Variants in TELO2 observed in about 807,000 individuals in gnomAD.
TELO2 encodes telomere maintenance 2.
TELO2 carries 71 observed loss-of-function variants against 91.0 expected under a neutral mutation model. That is an observed-to-expected ratio of 0.78 (90% CI 0.64 to 0.95). The LOEUF (loss-of-function observed/expected upper bound fraction) is 0.95. Among genes scored for constraint, TELO2 ranks in the 40% least tolerant of loss-of-function variants. TELO2 has a pLI of 0.00. For missense variants in TELO2, 1,183 were observed against 1,141.3 expected (o/e 1.04, Z -0.53); for synonymous variants, 584 against 518.9 (o/e 1.13, Z -1.71).
Position 1,505,654 on chromosome 16 carries a change from G to GGGGT in TELO2, c.2034+53_2034+54insGGGT. On this transcript the variant is annotated intron_variant, in intron 16 of 20. Transcript: ENST00000262319. This position sits in a 1 kb window ranked among gnomAD's most constrained non-coding sequence, Gnocchi z 4.3. ...GGGCATGGGGACCGTGGGTGGGTGG[G>GGGGT]AAGGGCGGTCAGACACCTCCAGGCG... The GGGGT allele has an allele frequency of 1.8e-5, 12 of 666,542 alleles. No individual in the cohort carries two copies. Among genetic ancestry groups the GGGGT allele is most frequent in the East Asian group, 3.9e-5 (1 of 25,322 alleles). 41.3% of individuals were successfully genotyped at this position (666,542 alleles called of 1,614,324 possible).
intron 12 of TELO2, 50 bp from the exon 13 acceptor site, chr16:1,502,263 G>A (rs1233052074): frequency 6.4e-7 from 1 of 1,568,558 alleles, no homozygotes; most frequent in Admixed American, 1.9e-5. Flanking sequence ...GCTCTCATGG[G>A]TTCAGGGTCA....
Position 1,502,423 on chromosome 16 carries a change from T to C in TELO2, c.1653+19T>C, listed in dbSNP as rs1462430729. 1.3e-6 allele frequency: 2 copies of C among 1,569,044 alleles called. No homozygotes were observed. Among genetic ancestry groups the C allele is most frequent in the African/African-American group, 2.7e-5 (2 of 73,752 alleles). The stretch of plus-strand genomic sequence containing the variant: ...TCGGGAGGTGAGTGGGGGGCGGGAG[T>C]GGGTGGGGAGGCCCAAGATGGTAGC... On this transcript the variant is annotated intron_variant, in intron 13 of 20. Transcript: ENST00000262319.
chr16:1,500,248 C>G, intron 7 of TELO2, 84 bp downstream of exon 7: 1 of 1,530,298 alleles, frequency 6.5e-7, no homozygotes, highest in Non-Finnish European at 8.8e-7. Flanking sequence ...CAGGGTGAGG[C>G]TGGCTGGGCT....
rs1371910668 is a variant in TELO2 at position 1,502,748 on chromosome 16, C to T, written c.1757C>T (p.Thr586Ile). The stretch of plus-strand genomic sequence containing the variant: ...AGAGCCCTGGTGGCCGTCACGGTCA[C>T]AGACCCGGCCCCGGTGAGTTCCCGC... Reference protein sequence around the residue: ...RQRALVAVTVTDPAPVADYLT... With the variant: ...RQRALVAVTVIDPAPVADYLT... The change falls in exon 14 of 21, where the codon ACA (threonine) becomes ATA (isoleucine). Residue 586 changes from threonine (T) to isoleucine (I), a missense_variant. Thr to Ile is a moderately conservative substitution (Grantham distance 89, BLOSUM62 -1). Coordinates refer to ENST00000262319, the MANE Select transcript of TELO2 (RefSeq NM_016111.4). 4 of 1,612,054 alleles carry T rather than the reference C, an allele frequency of 2.5e-6. No individual in the cohort carries two copies. The highest frequency in any genetic ancestry group is 3.4e-6 in the Non-Finnish European group (4 of 1,179,808).
intron 20 of TELO2, among the ~76,000 whole-genome samples, chr16:1,508,439 C>A (rs2039988361): frequency 6.6e-6 from 1 of 152,236 alleles, no homozygotes; most frequent in African/African-American, 2.4e-5. Flanking sequence ...CCAGTCCCAG[C>A]ACCTTTTGTT....
At chr16:1,504,507 A>G (rs1174055070) in intron 15 of TELO2, among the ~76,000 whole-genome samples, 1 of 149,318 alleles carries the variant, frequency 6.7e-6, no homozygotes, top group Non-Finnish European at 1.5e-5. Flanking sequence ...ACCACAATAA[A>G]GCAAAAAAGA....
chr16:1,506,472 G>T, intron 17 of TELO2, 143 bp downstream of exon 17: 2 of 1,523,224 alleles, frequency 1.3e-6, no homozygotes, highest in Non-Finnish European at 1.8e-6. Flanking sequence ...GTAAGCCTGT[G>T]TTAAATGGCA....
rs951116628 is a variant in TELO2 at position 1,505,133 on chromosome 16, C to T, written c.1843-277C>T. On this transcript the variant is annotated intron_variant, in intron 15 of 20. Coordinates refer to ENST00000262319, the MANE Select transcript of TELO2 (RefSeq NM_016111.4). The surrounding 1 kb of genome is among the most constrained non-coding windows in gnomAD (Gnocchi z 4.3). ...CTGGGATAAGGGCATGTGGCTCTGG[C>T]GTGGCGGGACTGCGTGGCTTTAGGA... The T allele has an allele frequency of 2.2e-5, 9 of 418,004 alleles. No homozygotes were observed. The highest frequency in any genetic ancestry group is 7.9e-5 in the African/African-American group (4 of 50,636). 25.9% of individuals were successfully genotyped at this position (418,004 alleles called of 1,614,324 possible).
At position 1,509,958 on chromosome 16, in the gene TELO2, C is replaced by T. The variant is rs74677473; in HGVS notation, c.*22C>T. 1.5e-3 allele frequency: 2,364 copies of T among 1,559,730 alleles called. 43 individuals carry two copies. In the African/African-American group the frequency reaches 0.029, roughly 19 times the overall value. ...CTAGTCCCTGGAGGCCTCCCCAGGA[C>T]CACCCTCGCCGACAGCAAGGCAGGC... On this transcript the variant is annotated 3_prime_UTR_variant, in exon 21 of 21. Transcript: ENST00000262319.
At chr16:1,500,788 C>G (rs2039652608) in intron 9 of TELO2, 89 bp downstream of exon 9, 4 of 1,538,290 alleles carry the variant, frequency 2.6e-6, no homozygotes. Context: ...ACCGCCTCTT[C>G]CCGGGGTCCA....
At chr16:1,506,483 G>A in intron 17 of TELO2, 154 bp downstream of exon 17, 1 of 1,493,534 alleles carries the variant, frequency 6.7e-7, no homozygotes, top group African/African-American at 1.4e-5. Flanking sequence ...TTAAATGGCA[G>A]GGAGCGTCCC....
In TELO2 at chr16:1,494,270, C is replaced by A. The variant is rs11555094; in HGVS notation, c.-12C>A. ...GGTCGTCTTCCCGTGACGCCCAGAT[C>A]TGTCCTGCAGGATGGAGCCAGCACC... On this transcript the variant is annotated 5_prime_UTR_variant, in exon 2 of 21. The change creates a new upstream start codon in the 5' untranslated region. Coordinates refer to ENST00000262319, the MANE Select transcript of TELO2 (RefSeq NM_016111.4). The surrounding 1 kb of genome is among the most constrained non-coding windows in gnomAD (Gnocchi z 5.6). 77 of 1,605,526 alleles carry A rather than the reference C, an allele frequency of 4.8e-5. 1 individual carries two copies. In the Middle Eastern group the frequency reaches 5.0e-4, roughly 10 times the overall value.
rs565020637 is a variant in TELO2, at chr16:1,505,051, T to G, written c.1843-359T>G. ...GTGCCTTCTCTGCAATGTTCTGAGG[T>G]CCCCCCGCCCGTGGCACGTGCCGCT... On this transcript the variant is annotated intron_variant, in intron 15 of 20. Coordinates refer to ENST00000262319, the MANE Select transcript of TELO2 (RefSeq NM_016111.4). The surrounding 1 kb of genome is among the most constrained non-coding windows in gnomAD (Gnocchi z 4.3). The G allele has an allele frequency of 1.0e-3, 221 of 219,034 alleles. 3 individuals carry two copies. The South Asian group carries it at 0.02, about 20-fold the overall frequency. The allele number at this position is 219,034 out of a possible 1,614,324, so 13.6% of individuals were successfully genotyped here.
In TELO2 at chr16:1,494,271, T is replaced by C. The variant is rs1254243199; in HGVS notation, c.-11T>C. ...GTCGTCTTCCCGTGACGCCCAGATC[T>C]GTCCTGCAGGATGGAGCCAGCACCC... is the stretch of plus-strand genomic sequence containing the variant. On this transcript the variant is annotated 5_prime_UTR_variant, in exon 2 of 21. Coordinates refer to ENST00000262319, the MANE Select transcript of TELO2 (RefSeq NM_016111.4). This position sits in a 1 kb window ranked among gnomAD's most constrained non-coding sequence, Gnocchi z 5.6. The C allele has an allele frequency of 6.2e-7, 1 of 1,605,814 alleles. No individual in the cohort carries two copies. Among genetic ancestry groups the C allele is most frequent in the Non-Finnish European group, 8.5e-7 (1 of 1,174,146 alleles).
In TELO2 at chr16:1,502,681, G is replaced by A. The variant is rs774301574; in HGVS notation, c.1690G>A (p.Glu564Lys). ...VELAKVLLHL[E>K]EKTCVVGFAG... ...GCTGGCCAAGGTGCTTCTGCATCTGGAGGAGAAGACCTGTGTGGTGGGATT... is the reference window on the plus strand; with the variant it reads ...GCTGGCCAAGGTGCTTCTGCATCTGAAGGAGAAGACCTGTGTGGTGGGATT... The change falls in exon 14 of 21, where the codon GAG becomes AAG. Residue 564 changes from glutamate to lysine, a missense_variant. Glu to Lys is a moderately conservative substitution (Grantham distance 56). Coordinates refer to ENST00000262319, the MANE Select transcript of TELO2 (RefSeq NM_016111.4). 11 of 1,612,628 alleles carry A rather than the reference G, an allele frequency of 6.8e-6. No homozygotes were observed. Among genetic ancestry groups the A allele is most frequent in the Non-Finnish European group, 6.8e-6 (8 of 1,179,864 alleles).
intron 15 of TELO2, among the ~76,000 whole-genome samples, chr16:1,504,942 C>G (rs114312658): frequency 3.9e-5 from 6 of 152,118 alleles, no homozygotes; most frequent in Non-Finnish European, 8.8e-5. Context: ...GCAGTCGCCC[C>G]GACCCTCCCA....
intron 9 of TELO2, 111 bp downstream of exon 9, chr16:1,500,810 C>A (rs1039769668): frequency 1.3e-6 from 2 of 1,481,512 alleles, no homozygotes; most frequent in Admixed American, 4.2e-5. Context: ...ACTTGCGGAG[C>A]GTCCGTGTGG....
chr16:1,502,167 G>A (rs1400266851), intron 12 of TELO2, 32 bp downstream of exon 12: 2 of 1,610,862 alleles, frequency 1.2e-6, no homozygotes. Context: ...GCCTTGCTGG[G>A]CTGGGCATGG....
chr16:1,506,492 C>T lies in TELO2; in HGVS notation c.2126+163C>T, dbSNP rs575803825. The stretch of plus-strand genomic sequence containing the variant: ...CCTGTGTTAAATGGCAGGGAGCGTC[C>T]CGCAAGATTCCTCTGTGGTTGAGCT... On this transcript the variant is annotated intron_variant, in intron 17 of 20. Coordinates refer to ENST00000262319, the MANE Select transcript of TELO2 (RefSeq NM_016111.4). 601 of 1,472,386 alleles carry T rather than the reference C, an allele frequency of 4.1e-4. 1 individual carries two copies. The highest frequency in any genetic ancestry group is 2.2e-3 in the African/African-American group (155 of 71,428). The allele number at this position is 1,472,386 out of a possible 1,614,324, so 91.2% of individuals were successfully genotyped here. A position where few individuals can be genotyped will look rare whatever the true frequency, so the allele number is the denominator to read the frequency against.
Sources: gnomAD v4.1 joint callset for allele counts (sites outside exome capture counted in the v4.1 genomes callset) on GRCh38, gnomAD v4.1.1 for gene constraint, Gnocchi (gnomAD v3.1) non-coding constraint, MANE v1.5 for transcripts, NCBI Gene and HGNC (gene_info 2026-07-23, HGNC 2026-07-21) for gene names.